SGPP2: variants seen among roughly 807,000 people sequenced by gnomAD.
SGPP2 encodes the protein sphingosine-1-phosphate phosphatase 2.
A neutral mutation model predicts 33.9 loss-of-function variants in SGPP2; 30 were observed. That is an observed-to-expected ratio of 0.89 (90% CI 0.66 to 1.20). The LOEUF is 1.20. Ranked by LOEUF, SGPP2 falls within the 50% of genes most tolerant of loss-of-function variation. The pLI, the probability that SGPP2 is intolerant of heterozygous loss-of-function variation, is 0.00. For missense variants in SGPP2, 458 were observed against 532.1 expected (o/e 0.86, Z 1.37); for synonymous variants, 233 against 225.0 (o/e 1.04, Z -0.32).
At chr2:222,434,933 T>C (rs1697211867) in intron 1 of SGPP2, among the ~76,000 whole-genome samples, 1 of 150,896 alleles carries the variant, frequency 6.6e-6, no homozygotes, top group African/African-American at 2.4e-5. Flanking sequence ...GTTTGTATAT[T>C]AGGGTTCTCT....
chr2:222,531,752 C>G (rs562640452), intron 4 of SGPP2, among the ~76,000 whole-genome samples: 1 of 152,136 alleles, frequency 6.6e-6, no homozygotes, highest in African/African-American at 2.4e-5. Flanking sequence ...TTTTTTTAAG[C>G]TCCCCCGTTG....
At chr2:222,450,225 C>T (rs530591324) in intron 1 of SGPP2, among the ~76,000 whole-genome samples, 2 of 152,314 alleles carry the variant, frequency 1.3e-5, no homozygotes, top group Non-Finnish European at 2.9e-5. Flanking sequence ...CCATGCCTGG[C>T]AGATGGAGGT....
intron 4 of SGPP2, among the ~76,000 whole-genome samples, chr2:222,544,940 A>G (rs772375611): frequency 4.6e-5 from 7 of 152,198 alleles, no homozygotes; most frequent in Non-Finnish European, 8.8e-5. Context: ...AAAATAATAA[A>G]GCTATTTTTA....
At chr2:222,424,863 G>A (rs143725520) in intron 1 of SGPP2, 42 bp downstream of exon 1, 1 of 1,284,762 alleles carries the variant, frequency 7.8e-7, no homozygotes, top group Non-Finnish European at 9.9e-7. Flanking sequence ...GGAGGGGGCG[G>A]CTGCGGACGT....
chr2:222,561,017 A>G lies in SGPP2; in HGVS notation c.*2119A>G, dbSNP rs1170730422. 1 of 151,832 alleles carries G rather than the reference A, an allele frequency of 6.6e-6. No homozygotes were observed. The highest frequency in any genetic ancestry group is 1.5e-5 in the Non-Finnish European group (1 of 68,032). 9.4% of individuals were successfully genotyped at this position (151,832 alleles called of 1,614,324 possible). A position where few individuals can be genotyped will look rare whatever the true frequency, so the allele number is the denominator to read the frequency against. ...CTACTCAGGAGGCTGAGGCAGGAGA[A>G]TGGCGTGAACCCGGTGAGCGGAGCT... On this transcript the variant is annotated 3_prime_UTR_variant, in exon 5 of 5. Transcript: ENST00000321276.
intron 2 of SGPP2, among the ~76,000 whole-genome samples, chr2:222,479,348 T>C (rs1270836759): frequency 2.0e-5 from 3 of 152,052 alleles, no homozygotes; most frequent in African/African-American, 7.3e-5. Context: ...GCTGTGCTCT[T>C]ATGGCATTTA....
intron 4 of SGPP2, among the ~76,000 whole-genome samples, chr2:222,535,271 A>G (rs185725474): frequency 2.6e-5 from 4 of 151,686 alleles, no homozygotes; most frequent in African/African-American, 9.7e-5. Context: ...CCAGCTACTC[A>G]GGAAGCTGAG....
In SGPP2 at chr2:222,424,544, C is replaced by T. The variant is rs1047168442; in HGVS notation, c.-59C>T. ...CGGGGGCGAGGCGGGAGTGGCGGTG[C>T]CAGCGGAGGGCACCGGCCCGGCGTG... On this transcript the variant is annotated 5_prime_UTR_variant, in exon 1 of 5. Coordinates refer to ENST00000321276, the MANE Select transcript of SGPP2 (RefSeq NM_152386.4). 1.7e-5 allele frequency: 19 copies of T among 1,131,518 alleles called. No individual in the cohort carries two copies. Among genetic ancestry groups the T allele is most frequent in the African/African-American group, 3.2e-5 (2 of 61,596 alleles). 70.1% of individuals were successfully genotyped at this position (1,131,518 alleles called of 1,614,324 possible).
chr2:222,433,387 A>C (rs1178978385), intron 1 of SGPP2, among the ~76,000 whole-genome samples: 2 of 152,126 alleles, frequency 1.3e-5, no homozygotes, highest in Admixed American at 1.3e-4. Flanking sequence ...TACTACTTTG[A>C]AGGATTTACA....
intron 2 of SGPP2, among the ~76,000 whole-genome samples, chr2:222,507,351 A>G (rs145334969): frequency 3.9e-5 from 6 of 152,328 alleles, no homozygotes; most frequent in African/African-American, 1.4e-4. Context: ...GGATATTCTG[A>G]GACTATCTTT....
At chr2:222,491,455 C>G (rs1559159473) in intron 2 of SGPP2, among the ~76,000 whole-genome samples, 2 of 152,156 alleles carry the variant, frequency 1.3e-5, no homozygotes, top group Admixed American at 6.5e-5. Context: ...GAAGGGGAAG[C>G]AGGCACATCT....
chr2:222,553,980 T>C (rs1277841882), intron 4 of SGPP2, among the ~76,000 whole-genome samples: 1 of 152,140 alleles, frequency 6.6e-6, no homozygotes, highest in Non-Finnish European at 1.5e-5. Context: ...AGGGGTGAGA[T>C]TTTATCACAC....
chr2:222,528,031 G>C (rs554191990), intron 4 of SGPP2, among the ~76,000 whole-genome samples: 2 of 152,204 alleles, frequency 1.3e-5, no homozygotes, highest in South Asian at 4.2e-4. Context: ...AGTTAGGATG[G>C]AATAACTGGA....
chr2:222,511,912 A>G (rs868583244), intron 2 of SGPP2, among the ~76,000 whole-genome samples: 33 of 152,146 alleles, frequency 2.2e-4, no homozygotes, highest in African/African-American at 5.6e-4. Context: ...CTCCTGGGTC[A>G]AGTGATCCAC....
intron 2 of SGPP2, among the ~76,000 whole-genome samples, chr2:222,498,730 G>A (rs576960753): frequency 2.5e-4 from 38 of 152,282 alleles, no homozygotes; most frequent in African/African-American, 9.1e-4. Flanking sequence ...GTATAAAGTT[G>A]TGTGAAGAAA....
chr2:222,523,407 T>C (rs548496642), intron 3 of SGPP2, among the ~76,000 whole-genome samples: 1 of 152,260 alleles, frequency 6.6e-6, no homozygotes, highest in African/African-American at 2.4e-5. Context: ...CCAGCTCCCA[T>C]TGGGTTGATC....
In SGPP2 at chr2:222,476,950, T is replaced by C. The variant is rs1305732540; in HGVS notation, c.378+2224T>C. Among the ~76,000 whole-genome samples, 1 of 151,814 alleles carries C rather than the reference T, an allele frequency of 6.6e-6. No individual in the cohort carries two copies. The highest frequency in any genetic ancestry group is 1.5e-5 in the Non-Finnish European group (1 of 67,938). On this transcript the variant is annotated intron_variant, in intron 2 of 4. Transcript: ENST00000321276. This position sits in a 1 kb window ranked among gnomAD's most constrained non-coding sequence, Gnocchi z 4.3. Reference sequence around the variant, plus strand: ...ATTGGAGTATATAGGTGTGTATGTATGTATGTATAGTGTGTATATGTGTAT... The same window carrying C: ...ATTGGAGTATATAGGTGTGTATGTACGTATGTATAGTGTGTATATGTGTAT...
At position 222,465,928 on chromosome 2, in the gene SGPP2, C is replaced by A. The variant is rs1447170813; in HGVS notation, c.220-8640C>A. 6.6e-6 allele frequency among the ~76,000 whole-genome samples: 1 copy of A among 152,132 alleles called. No individual in the cohort carries two copies. Among genetic ancestry groups the A allele is most frequent in the Non-Finnish European group, 1.5e-5 (1 of 68,042 alleles). On this transcript the variant is annotated intron_variant, in intron 1 of 4. Transcript: ENST00000321276. This position sits in a 1 kb window ranked among gnomAD's most constrained non-coding sequence, Gnocchi z 4.1. ...AAATGGCTCCTCTGTGGCAAGCATC[C>A]CCAGACACACATTGATCACTTTGTA...
intron 4 of SGPP2, among the ~76,000 whole-genome samples, chr2:222,538,863 A>T (rs1698952505): frequency 6.6e-6 from 1 of 152,136 alleles, no homozygotes; most frequent in Admixed American, 6.5e-5. Flanking sequence ...TTCATGAAGG[A>T]TCCGCCCCCA....
Sources: allele counts gnomAD v4.1 joint callset (sites outside exome capture counted in the v4.1 genomes callset), GRCh38; gene constraint gnomAD v4.1.1; non-coding constraint Gnocchi (gnomAD v3.1); transcripts MANE v1.5; gene names NCBI Gene and HGNC (gene_info 2026-07-23, HGNC 2026-07-21).